FOXJ2: variants seen among roughly 807,000 people sequenced by gnomAD.
The protein encoded by FOXJ2 is forkhead box protein J2.
In FOXJ2, 18 loss-of-function variants were observed where a neutral mutation model predicts 68.4. The observed-to-expected ratio is 0.26, with a 90% confidence interval of 0.18 to 0.39. The LOEUF is 0.39. Ranked by LOEUF, FOXJ2 falls within the 10% of genes least tolerant of loss-of-function variation. The pLI, the probability that FOXJ2 is intolerant of heterozygous loss-of-function variation, is 1.00. For synonymous variants in FOXJ2, 274 were observed against 263.2 expected, an observed-to-expected ratio of 1.04 and a Z score of -0.40; for missense variants, 670 against 726.5, an observed-to-expected ratio of 0.92 and a Z score of 0.89.
chr12:8,041,049 G>C lies in FOXJ2; in HGVS notation c.333+884G>C, dbSNP rs572516304. ...CTAAGCAAAGCAAGAAGGCTGATAG[G>C]CTCAATTTTTTGGAGCAGTAGCTCA... On this transcript the variant is annotated intron_variant, in intron 2 of 10. Coordinates refer to ENST00000162391, the MANE Select transcript of FOXJ2 (RefSeq NM_018416.3). Among the ~76,000 whole-genome samples, 23 of 152,258 alleles carry C rather than the reference G, an allele frequency of 1.5e-4. No individual in the cohort carries two copies. In the South Asian group the frequency reaches 4.6e-3, roughly 30 times the overall value.
Position 8,033,085 on chromosome 12 carries a change from C to G in FOXJ2, c.-763C>G, listed in dbSNP as rs756566133. The stretch of plus-strand genomic sequence containing the variant: ...ACTCGGGTGAGGGAAAGAAGAGACC[C>G]CTGGAGGGGACGCCTCTCTCCTGCC... On this transcript the variant is annotated 5_prime_UTR_variant, in exon 1 of 11. Transcript: ENST00000162391. 2.6e-6 allele frequency: 1 copy of G among 387,132 alleles called. No individual in the cohort carries two copies. The highest frequency in any genetic ancestry group is 1.4e-4 in the South Asian group (1 of 6,922). 24.0% of individuals were successfully genotyped at this position (387,132 alleles called of 1,614,324 possible).
rs1462462488 is a variant in FOXJ2, at chr12:8,040,025, G to A, written c.193G>A (p.Gly65Ser). Residue 65 changes from glycine (G) to serine (S), a missense_variant, in exon 2 of 11, where the codon GGC becomes AGC. By Grantham distance (56) the Gly-to-Ser change is moderately conservative (BLOSUM62 0). Transcript: ENST00000162391. The surrounding 1 kb of genome is among the most constrained non-coding windows in gnomAD (Gnocchi z 4.0). ...SKDEAAVHQD[G>S]KPRYSYATLI... The stretch of plus-strand genomic sequence containing the variant: ...AGACGAGGCAGCAGTGCACCAGGAC[G>A]GCAAGCCACGATACAGCTATGCCAC... The A allele has an allele frequency of 4.3e-6, 7 of 1,613,974 alleles. No individual in the cohort carries two copies. Among genetic ancestry groups the A allele is most frequent in the East Asian group, 4.5e-5 (2 of 44,868 alleles).
Position 8,035,359 on chromosome 12 carries a change from C to T in FOXJ2, c.-15+1526C>T, listed in dbSNP as rs1422861449. ...TGAGGGGAAAGGCTTGGCCTCCCCCCAGTCAATGGGAGCCCTCGTGACGGT... is the reference window on the plus strand; with the variant it reads ...TGAGGGGAAAGGCTTGGCCTCCCCCTAGTCAATGGGAGCCCTCGTGACGGT... On this transcript the variant is annotated intron_variant, in intron 1 of 10. Coordinates refer to ENST00000162391, the MANE Select transcript of FOXJ2 (RefSeq NM_018416.3). This position sits in a 1 kb window ranked among gnomAD's most constrained non-coding sequence, Gnocchi z 4.0. Among the ~76,000 whole-genome samples, 1 of 152,144 alleles carries T rather than the reference C, an allele frequency of 6.6e-6. No homozygotes were observed. The highest frequency in any genetic ancestry group is 1.5e-5 in the Non-Finnish European group (1 of 68,014).
In FOXJ2 at chr12:8,048,219, C is replaced by T. The variant is rs762687025; in HGVS notation, c.1155C>T (p.His385=). The part of the protein sequence containing the change: ...YHPHQHHPHS[H]PAQQPPPPQP... ...CTCATCAGCACCATCCCCACTCCCA[C>T]CCTGCCCAGCAGCCACCACCTCCAC... is the stretch of plus-strand genomic sequence containing the variant. Residue 385 remains histidine, a synonymous_variant, in exon 7 of 11, where the codon CAC becomes CAT. Coordinates refer to ENST00000162391, the MANE Select transcript of FOXJ2 (RefSeq NM_018416.3). 7 of 1,608,122 alleles carry T rather than the reference C, an allele frequency of 4.4e-6. No individual in the cohort carries two copies. Among genetic ancestry groups the T allele is most frequent in the African/African-American group, 1.3e-5 (1 of 74,936 alleles).
rs200593250 is a variant in FOXJ2, at chr12:8,040,172, A to G, written c.333+7A>G. The G allele has an allele frequency of 6.8e-6, 11 of 1,613,330 alleles. No homozygotes were observed. The Admixed American group carries it at 1.7e-4, about 24-fold the overall frequency. ...TGCTGGCATTGGTTGGAAGGTGGGA[A>G]TGCTTCTATAATCTTGGCTTAGGTT... On this transcript the variant is annotated splice_region_variant and intron_variant, in intron 2 of 10. Transcript: ENST00000162391. This position sits in a 1 kb window ranked among gnomAD's most constrained non-coding sequence, Gnocchi z 4.0.
Position 8,050,550 on chromosome 12 carries a change from C to T in FOXJ2, c.1566C>T (p.Pro522=). Reference sequence around the variant, plus strand: ...ACTCTTATGGGCACCCACAAGCTCCCCACCTCTACCCTGGCCCATCACCAA... The same window carrying T: ...ACTCTTATGGGCACCCACAAGCTCCTCACCTCTACCCTGGCCCATCACCAA... ...QVNSYGHPQA[P]HLYPGPSPMY... Residue 522 remains proline, a synonymous_variant, in exon 10 of 11, where the codon CCC becomes CCT. Transcript: ENST00000162391. 2 of 1,613,846 alleles carry T rather than the reference C, an allele frequency of 1.2e-6. No homozygotes were observed. Among genetic ancestry groups the T allele is most frequent in the East Asian group, 2.2e-5 (1 of 44,818 alleles).
At chr12:8,046,907 A>T (rs2121343527) in intron 6 of FOXJ2, among the ~76,000 whole-genome samples, 1 of 152,312 alleles carries the variant, frequency 6.6e-6, no homozygotes, top group African/African-American at 2.4e-5. Flanking sequence ...TCAAAAAATG[A>T]ATCCGACTCA....
At chr12:8,045,680 C>G (rs944260574) in intron 6 of FOXJ2, among the ~76,000 whole-genome samples, 1 of 147,030 alleles carries the variant, frequency 6.8e-6, no homozygotes, top group Non-Finnish European at 1.5e-5. Flanking sequence ...TTTTGAGGCA[C>G]AGTTTCGCTC....
In FOXJ2 at chr12:8,048,677, C is replaced by A. The variant is rs749888727; in HGVS notation, c.1226-20C>A. ...ACACTTCACTCTATCTTATTATCCA[C>A]TTTCCCCTCCTCTTTACAGCCTTTC... On this transcript the variant is annotated intron_variant, in intron 7 of 10. Transcript: ENST00000162391. 12 of 1,602,410 alleles carry A rather than the reference C, an allele frequency of 7.5e-6. No homozygotes were observed. Among genetic ancestry groups the A allele is most frequent in the Non-Finnish European group, 9.4e-6 (11 of 1,169,674 alleles).
chr12:8,052,795 C>T lies in FOXJ2; in HGVS notation c.1670C>T (p.Pro557Leu). Residue 557 changes from proline to leucine, a missense_variant, in exon 11 of 11, where the codon CCT (proline) becomes CTT (leucine). Physicochemically the swap from Pro to Leu is moderately conservative, Grantham distance 98. Transcript: ENST00000162391. ...HHMVPRPSVP[P>L]PGANEEIPDD... is the part of the protein sequence containing the mutation. ...ATGGTCCCTCGGCCATCAGTGCCAC[C>T]TCCTGGTGCCAATGAGGAGATCCCT... 6.2e-7 allele frequency: 1 copy of T among 1,610,898 alleles called. No homozygotes were observed. Among genetic ancestry groups the T allele is most frequent in the Non-Finnish European group, 8.5e-7 (1 of 1,178,338 alleles).
At chr12:8,049,814 A>C in intron 9 of FOXJ2, 7 of 446,382 alleles carry the variant, frequency 1.6e-5, no homozygotes, top group Non-Finnish European at 2.0e-5. Context: ...GAATTGTTTA[A>C]GAAAAGGGAG....
Position 8,033,784 on chromosome 12 carries a change from C to T in FOXJ2, c.-64C>T, listed in dbSNP as rs757262722. On this transcript the variant is annotated 5_prime_UTR_variant, in exon 1 of 11. Transcript: ENST00000162391. ...AGAGGGGAATCCCTCCAACCCCAAACTCCAGTACCAGGTGGTTCCCTCCCT... is the reference window on the plus strand; with the variant it reads ...AGAGGGGAATCCCTCCAACCCCAAATTCCAGTACCAGGTGGTTCCCTCCCT... 1 of 152,774 alleles carries T rather than the reference C, an allele frequency of 6.5e-6. No homozygotes were observed. Among genetic ancestry groups the T allele is most frequent in the Admixed American group, 6.5e-5 (1 of 15,284 alleles). The allele number at this position is 152,774 out of a possible 1,614,324, so 9.5% of individuals were successfully genotyped here.
rs1947150102 is a variant in FOXJ2, at chr12:8,053,333, A to G, written c.*483A>G. The G allele has an allele frequency of 6.6e-6, 1 of 152,632 alleles. No individual in the cohort carries two copies. Among genetic ancestry groups the G allele is most frequent in the African/African-American group, 2.4e-5 (1 of 41,428 alleles). 9.5% of individuals were successfully genotyped at this position (152,632 alleles called of 1,614,324 possible). On this transcript the variant is annotated 3_prime_UTR_variant, in exon 11 of 11. Coordinates refer to ENST00000162391, the MANE Select transcript of FOXJ2 (RefSeq NM_018416.3). The surrounding 1 kb of genome is among the most constrained non-coding windows in gnomAD (Gnocchi z 4.1). ...CAGGACTGGAGAGGCCACATTACCAAGTAGAAAGGGTCTGAAACATTACTT... is the reference window on the plus strand; with the variant it reads ...CAGGACTGGAGAGGCCACATTACCAGGTAGAAAGGGTCTGAAACATTACTT...
chr12:8,039,386 C>T (rs970475477), intron 1 of FOXJ2, among the ~76,000 whole-genome samples: 3 of 151,954 alleles, frequency 2.0e-5, no homozygotes, highest in African/African-American at 4.8e-5. Context: ...ACGTTCGTGC[C>T]GTCTATCTGT....
chr12:8,044,770 C>T lies in FOXJ2; in HGVS notation c.629C>T (p.Ser210Phe), dbSNP rs1335219999. The change falls in exon 6 of 11, where the codon TCT (serine) becomes TTT (phenylalanine). Residue 210 changes from serine (S) to phenylalanine (F), a missense_variant. Coordinates refer to ENST00000162391, the MANE Select transcript of FOXJ2 (RefSeq NM_018416.3). Reference sequence around the variant, plus strand: ...TACCTGTTTTTGCAGGGCACAGGATCTGTGGATGGTGGAGCAGTGGCAGCA... The same window carrying T: ...TACCTGTTTTTGCAGGGCACAGGATTTGTGGATGGTGGAGCAGTGGCAGCA... The part of the protein sequence containing the change: ...SIASYSQGTG[S>F]VDGGAVAAGA... 1.2e-6 allele frequency: 2 copies of T among 1,613,872 alleles called. No individual in the cohort carries two copies. The highest frequency in any genetic ancestry group is 1.7e-6 in the Non-Finnish European group (2 of 1,179,856).
At chr12:8,037,333 T>C (rs964559214) in intron 1 of FOXJ2, among the ~76,000 whole-genome samples, 1 of 151,892 alleles carries the variant, frequency 6.6e-6, no homozygotes, top group Non-Finnish European at 1.5e-5. Flanking sequence ...GCTGGTGAGA[T>C]TTGAATATAT....
chr12:8,047,048 G>A (rs1947046629), intron 6 of FOXJ2, among the ~76,000 whole-genome samples: 1 of 152,040 alleles, frequency 6.6e-6, no homozygotes, highest in Admixed American at 6.6e-5. Context: ...TCAGACTTTT[G>A]TTCTTCCCAG....
chr12:8,049,421 A>G lies in FOXJ2; in HGVS notation c.1387A>G (p.Ile463Val). The G allele has an allele frequency of 1.2e-6, 2 of 1,614,148 alleles. No homozygotes were observed. The highest frequency in any genetic ancestry group is 1.7e-6 in the Non-Finnish European group (2 of 1,180,004). Residue 463 changes from isoleucine to valine, a missense_variant, in exon 9 of 11, where the codon ATT becomes GTT. This residue lies in a region of FOXJ2 where 555 missense variants were observed against 562.2 expected (regional missense o/e 0.99). Transcript: ENST00000162391. The stretch of plus-strand genomic sequence containing the variant: ...GAACTGGACCCTCGACCAGCATCAC[A>G]TTGCCAATCTGTGTGACTCCCTCAA... The part of the protein sequence containing the change: ...QKNWTLDQHH[I>V]ANLCDSLNHF...
intron 6 of FOXJ2, among the ~76,000 whole-genome samples, 198 bp downstream of exon 6, chr12:8,045,156 A>G (rs895836157): frequency 2.7e-5 from 4 of 146,294 alleles, no homozygotes; most frequent in Admixed American, 2.7e-4. Context: ...CAATTCTGTC[A>G]TCTCAACTTC....
Sources: allele counts gnomAD v4.1 joint callset (sites outside exome capture counted in the v4.1 genomes callset), GRCh38; gene constraint gnomAD v4.1.1; regional missense constraint gnomAD v4.1.1; non-coding constraint Gnocchi (gnomAD v3.1); transcripts MANE v1.5; gene names NCBI Gene and HGNC (gene_info 2026-07-23, HGNC 2026-07-21).